Variants in MTA3 observed in about 807,000 individuals in gnomAD.
MTA3 encodes metastasis associated 1 family member 3, also known as metastasis-associated protein MTA3.
MTA3 carries 34 observed loss-of-function variants against 83.5 expected under a neutral mutation model. The observed-to-expected ratio is 0.41, with a 90% confidence interval of 0.31 to 0.54. The LOEUF (loss-of-function observed/expected upper bound fraction) is 0.54, where lower values mean the gene tolerates loss of function less well. Among genes scored for constraint, MTA3 ranks in the 20% least tolerant of loss-of-function variants. The pLI is 0.33. For synonymous variants in MTA3, 303 were observed against 252.7 expected (o/e 1.20, Z -1.89); for missense variants, 761 against 726.4 (o/e 1.05, Z -0.55).
At chr2:42,539,017 A>C (rs1017236062) in intron 2 of MTA3, among the ~76,000 whole-genome samples, 2 of 149,534 alleles carry the variant, frequency 1.3e-5, no homozygotes, top group Non-Finnish European at 3.0e-5. Flanking sequence ...CTCATGATCC[A>C]CCCGCCTCGG....
At chr2:42,710,994 A>C (rs550570605) in intron 14 of MTA3, among the ~76,000 whole-genome samples, 1 of 151,754 alleles carries the variant, frequency 6.6e-6, no homozygotes, top group Non-Finnish European at 1.5e-5. Context: ...CAAGAGAATC[A>C]CTTGAACCTG....
chr2:42,563,776 A>ATACATTCCTTCCTTCCTTCC (rs1553342588), upstream of MTA3, among the ~76,000 whole-genome samples: 1 of 114,378 alleles, frequency 8.7e-6, no homozygotes, highest in Non-Finnish European at 1.8e-5. Flanking sequence ...TGGACCAAAC[A>ATACATTCCTTCCTTCCTTCC]TTCCTTCCTT....
intron 4 of MTA3, among the ~76,000 whole-genome samples, chr2:42,630,714 C>T (rs1237045084): frequency 6.6e-6 from 1 of 151,814 alleles, no homozygotes; most frequent in Non-Finnish European, 1.5e-5. Flanking sequence ...TAAACTTGTG[C>T]CTAGGACATT....
intron 3 of MTA3, among the ~76,000 whole-genome samples, chr2:42,585,014 C>T (rs1364068674): frequency 6.6e-6 from 1 of 151,826 alleles, no homozygotes; most frequent in African/African-American, 2.4e-5. Flanking sequence ...TCACTGCAAC[C>T]TCCACCTCCT....
intron 2 of MTA3, among the ~76,000 whole-genome samples, chr2:42,539,929 G>A (rs1440765180): frequency 1.3e-5 from 2 of 152,068 alleles, no homozygotes; most frequent in African/African-American, 2.4e-5. Context: ...AATGGCCTGT[G>A]GTTTCCTGAG....
At chr2:42,691,032 A>G (rs754279826) in intron 9 of MTA3, among the ~76,000 whole-genome samples, 85 of 152,042 alleles carry the variant, frequency 5.6e-4, no homozygotes, top group Admixed American at 2.6e-4. Flanking sequence ...ACACACCACC[A>G]TGCCCAGCTA....
chr2:42,595,950 G>A (rs560899875), intron 3 of MTA3, among the ~76,000 whole-genome samples: 1 of 152,220 alleles, frequency 6.6e-6, no homozygotes, highest in East Asian at 1.9e-4. Flanking sequence ...GAAAGCATTT[G>A]TCTGTGATTC....
intron 16 of MTA3, 103 bp from the exon 17 acceptor site, chr2:42,753,271 C>A (rs1364790169): frequency 1.3e-6 from 2 of 1,535,146 alleles, no homozygotes; most frequent in Non-Finnish European, 1.8e-6. Flanking sequence ...GCCTCCTTTC[C>A]CTGAAGGTTG....
chr2:42,570,354 A>G (rs1678327655), intron 1 of MTA3, 83 bp from the exon 2 acceptor site: 1 of 758,164 alleles, frequency 1.3e-6, no homozygotes, highest in Non-Finnish European at 2.1e-6. Flanking sequence ...TCAAACGTGA[A>G]ATGCCTAACA....
rs146685578 is a variant in MTA3 at position 42,709,059 on chromosome 2, G to A, written c.1488G>A (p.Pro496=). 6.0e-4 allele frequency: 972 copies of A among 1,611,688 alleles called. 5 individuals are homozygous for A. In the African/African-American group the frequency reaches 0.011, roughly 18 times the overall value. ...TLRLRQAARR[P]FVAINYAAIR... is the part of the protein sequence containing the mutation. ...GGCTGCGGCAGGCAGCAAGACGGCC[G>A]TTTGTTGCTATTAATTATGCTGCCA... is the stretch of plus-strand genomic sequence containing the variant. Residue 496 remains proline, a synonymous_variant, in exon 14 of 17, where the codon CCG becomes CCA. Coordinates refer to ENST00000405094, the MANE Select transcript of MTA3 (RefSeq NM_001330442.2).
At chr2:42,726,025 A>T (rs1667789405) in intron 16 of MTA3, among the ~76,000 whole-genome samples, 1 of 152,186 alleles carries the variant, frequency 6.6e-6, no homozygotes, top group Admixed American at 6.5e-5. Context: ...TTCCAAGATG[A>T]ACTCAAAGTA....
At chr2:42,748,197 G>GTGTT (rs201884635) in intron 16 of MTA3, among the ~76,000 whole-genome samples, 1 of 138,240 alleles carries the variant, frequency 7.2e-6, no homozygotes, top group South Asian at 2.4e-4. Context: ...TCCAGCTAAT[G>GTGTT]TGTTTGTGTG....
chr2:42,620,235 C>T (rs866022326), intron 4 of MTA3, among the ~76,000 whole-genome samples: 2 of 151,802 alleles, frequency 1.3e-5, no homozygotes, highest in Non-Finnish European at 2.9e-5. Flanking sequence ...TCTCCTGCCT[C>T]AGCCTCCCGA....
intron 12 of MTA3, among the ~76,000 whole-genome samples, chr2:42,706,861 T>C (rs1207200726): frequency 6.6e-6 from 1 of 152,256 alleles, no homozygotes; most frequent in East Asian, 1.9e-4. Context: ...AAAGGGATTC[T>C]GTCTGTAAAT....
Position 42,556,100 on chromosome 2 carries a change from A to C in MTA3, c.-140-14337A>C, listed in dbSNP as rs375367669. Among the ~76,000 whole-genome samples, 468 of 152,092 alleles carry C rather than the reference A, an allele frequency of 3.1e-3. 2 individuals carry two copies. Among genetic ancestry groups the C allele is most frequent in the African/African-American group, 9.2e-3 (384 of 41,514 alleles). On this transcript the variant is annotated intron_variant, in intron 2 of 17. Transcript: ENST00000405592. The stretch of plus-strand genomic sequence containing the variant: ...AAACAAAAGCAAACAAACAAAAAAA[A>C]AAACAAACAAAAAAAGAGAGAAAAG...
chr2:42,516,393 G>T (rs1227125974), intron 2 of MTA3, among the ~76,000 whole-genome samples: 1 of 152,152 alleles, frequency 6.6e-6, no homozygotes, highest in Admixed American at 6.6e-5. Flanking sequence ...GCAGAAAATG[G>T]ATACATCTTT....
chr2:42,499,327 C>T (rs976857245), intron 2 of MTA3, among the ~76,000 whole-genome samples: 9 of 151,638 alleles, frequency 5.9e-5, no homozygotes, highest in Admixed American at 1.3e-4. Context: ...ACCATCACCC[C>T]GGCTAATATT....
At chr2:42,669,494 G>C (rs560233169) in intron 8 of MTA3, among the ~76,000 whole-genome samples, 1 of 152,254 alleles carries the variant, frequency 6.6e-6, no homozygotes, top group East Asian at 1.9e-4. Flanking sequence ...AAAAACCCAT[G>C]AAAAACTTAT....
At chr2:42,592,779 G>T (rs1681180666) in intron 3 of MTA3, among the ~76,000 whole-genome samples, 1 of 152,030 alleles carries the variant, frequency 6.6e-6, no homozygotes, top group South Asian at 2.1e-4. Flanking sequence ...CCTTCTTTTG[G>T]AATACCTTCC....
Sources: allele counts gnomAD v4.1 joint callset (sites outside exome capture counted in the v4.1 genomes callset), GRCh38; gene constraint gnomAD v4.1.1; transcripts MANE v1.5; gene names NCBI Gene and HGNC (gene_info 2026-07-23, HGNC 2026-07-21).